The following NETO2 variants were observed in gnomAD, a reference collection of about 807,000 sequenced individuals.
NETO2 encodes neuropilin and tolloid like 2, also known as neuropilin and tolloid-like protein 2.
Under a neutral mutation model 62.5 loss-of-function variants are expected in NETO2, and 28 were observed. The ratio of observed to expected loss-of-function variants is 0.45; its 90% confidence interval spans 0.33 to 0.61. NETO2 has a LOEUF of 0.61. Ranked by LOEUF, NETO2 falls within the 20% of genes least tolerant of loss-of-function variation. The pLI is 0.02. For missense variants in NETO2, 548 were observed against 643.2 expected (o/e 0.85, Z 1.60); for synonymous variants, 214 against 219.1 (o/e 0.98, Z 0.21).
intron 6 of NETO2, 97 bp from the exon 7 acceptor site, chr16:47,109,808 C>T: frequency 1.3e-6 from 1 of 787,808 alleles, no homozygotes; most frequent in Non-Finnish European, 2.0e-6. Context: ...CACCGAATGA[C>T]AGCTGACAGA....
At chr16:47,120,480 C>T (rs1377069145) in intron 6 of NETO2, among the ~76,000 whole-genome samples, 4 of 152,106 alleles carry the variant, frequency 2.6e-5, no homozygotes, top group Non-Finnish European at 5.9e-5. Context: ...ATGGGGGATC[C>T]ATCATCTCAA....
intron 7 of NETO2, among the ~76,000 whole-genome samples, chr16:47,104,709 A>G (rs1019183126): frequency 1.3e-5 from 2 of 152,202 alleles, no homozygotes; most frequent in Non-Finnish European, 2.9e-5. Flanking sequence ...GAGGCCAGAA[A>G]TAAATCTTCA....
At position 47,093,491 on chromosome 16, in the gene NETO2, T is replaced by C. The variant is rs538939067; in HGVS notation, c.884-7152A>G. Among the ~76,000 whole-genome samples the C allele has an allele frequency of 8.3e-4, 127 of 152,322 alleles. 2 individuals are homozygous for C. The Middle Eastern group carries it at 0.01, about 12-fold the overall frequency. On this transcript the variant is annotated intron_variant, in intron 7 of 8. Transcript: ENST00000562435. ...ACTGTCACTATTTGCCTAGGTCACC[T>C]TACCTAACTGACTGGAAAACCCTTT... is the stretch of plus-strand genomic sequence containing the variant.
At chr16:47,085,460 C>A (rs1341933755) in intron 8 of NETO2, among the ~76,000 whole-genome samples, 1 of 152,010 alleles carries the variant, frequency 6.6e-6, no homozygotes, top group African/African-American at 2.4e-5. Flanking sequence ...CGGCTCACTG[C>A]AACCTCTGCC....
chr16:47,099,618 T>G (rs1963500286), intron 7 of NETO2, among the ~76,000 whole-genome samples: 1 of 151,990 alleles, frequency 6.6e-6, no homozygotes, highest in Non-Finnish European at 1.5e-5. Context: ...GGAGGAATAT[T>G]TACCAAGCAA....
At chr16:47,097,817 C>T (rs1963459947) in intron 7 of NETO2, among the ~76,000 whole-genome samples, 1 of 152,090 alleles carries the variant, frequency 6.6e-6, no homozygotes, top group Non-Finnish European at 1.5e-5. Flanking sequence ...ACGAAGCTTC[C>T]AGAGAAAGGA....
intron 6 of NETO2, among the ~76,000 whole-genome samples, chr16:47,115,714 CATAT>C (rs918750034): frequency 0.014 from 1,830 of 128,414 alleles, 82 homozygotes; most frequent in African/African-American, 0.058. Context: ...TATATATATA[CATAT>C]ATATATATAT....
At chr16:47,111,683 A>G (rs1963804509) in intron 6 of NETO2, among the ~76,000 whole-genome samples, 1 of 152,066 alleles carries the variant, frequency 6.6e-6, no homozygotes, top group Admixed American at 6.5e-5. Flanking sequence ...CCCTCCCCTC[A>G]TAGGAAGTGG....
At chr16:47,134,516 A>G (rs1461434307) in intron 1 of NETO2, among the ~76,000 whole-genome samples, 1 of 152,204 alleles carries the variant, frequency 6.6e-6, no homozygotes, top group East Asian at 1.9e-4. Flanking sequence ...CAAATAACCC[A>G]ACCATTTGTG....
intron 6 of NETO2, among the ~76,000 whole-genome samples, chr16:47,115,862 T>A (rs971801889): frequency 6.6e-6 from 1 of 151,178 alleles, no homozygotes; most frequent in Non-Finnish European, 1.5e-5. Context: ...GGAGCCACAG[T>A]GCCTGACCTG....
chr16:47,110,516 G>A (rs1963772363), intron 6 of NETO2, among the ~76,000 whole-genome samples: 1 of 152,064 alleles, frequency 6.6e-6, no homozygotes, highest in Non-Finnish European at 1.5e-5. Context: ...TCTGTTATTC[G>A]GTGGCAAGGA....
chr16:47,133,470 A>G (rs1964307584), intron 1 of NETO2, among the ~76,000 whole-genome samples: 1 of 151,878 alleles, frequency 6.6e-6, no homozygotes, highest in Non-Finnish European at 1.5e-5. Context: ...AGGCAGGAGG[A>G]TCACTAGTGC....
intron 7 of NETO2, among the ~76,000 whole-genome samples, chr16:47,101,952 C>A (rs1963556334): frequency 6.6e-6 from 1 of 152,106 alleles, no homozygotes; most frequent in Admixed American, 6.5e-5. Context: ...TCGTAGGAAC[C>A]AAAAAGGAGC....
chr16:47,078,593 TAA>T lies in NETO2; in HGVS notation c.*4626_*4627del, dbSNP rs1378535818. Reference sequence around the variant, plus strand: ...ATTATTAGCAGAGGTATATAAAACATAAGTGATTTTGCAGAAAACTAAAATAT... The same window carrying T: ...ATTATTAGCAGAGGTATATAAAACATGTGATTTTGCAGAAAACTAAAATAT... On this transcript the variant is annotated 3_prime_UTR_variant, in exon 9 of 9. Coordinates refer to ENST00000562435, the MANE Select transcript of NETO2 (RefSeq NM_018092.5). The T allele has an allele frequency of 6.6e-6, 1 of 152,194 alleles. No individual in the cohort carries two copies. The highest frequency in any genetic ancestry group is 1.5e-5 in the Non-Finnish European group (1 of 68,026). The allele number at this position is 152,194 out of a possible 1,614,324, so 9.4% of individuals were successfully genotyped here.
intron 4 of NETO2, among the ~76,000 whole-genome samples, chr16:47,125,859 C>T (rs1454026442): frequency 1.3e-5 from 2 of 152,156 alleles, no homozygotes; most frequent in Admixed American, 6.6e-5. Context: ...CTGGCTCCAC[C>T]ATTTTTAAGT....
chr16:47,103,273 G>A (rs1238262045), intron 7 of NETO2, among the ~76,000 whole-genome samples: 1 of 152,096 alleles, frequency 6.6e-6, no homozygotes, highest in South Asian at 2.1e-4. Flanking sequence ...GGGAAGGAAC[G>A]TCACACACCG....
intron 2 of NETO2, among the ~76,000 whole-genome samples, chr16:47,130,257 C>T (rs1422915264): frequency 2.6e-5 from 4 of 152,018 alleles, no homozygotes; most frequent in African/African-American, 7.2e-5. Flanking sequence ...CTCTGGGAGT[C>T]GAAACAGCCC....
chr16:47,108,814 T>C (rs894858760), intron 7 of NETO2, among the ~76,000 whole-genome samples: 1 of 152,212 alleles, frequency 6.6e-6, no homozygotes, highest in Admixed American at 6.5e-5. Flanking sequence ...CTTTGAGAGA[T>C]GTTGGCATTA....
At chr16:47,118,557 A>C (rs1963969473) in intron 6 of NETO2, among the ~76,000 whole-genome samples, 1 of 152,224 alleles carries the variant, frequency 6.6e-6, no homozygotes, top group Non-Finnish European at 1.5e-5. Context: ...CATACTCTCC[A>C]AACATCACCA....
Sources: gnomAD v4.1 joint callset for allele counts (sites outside exome capture counted in the v4.1 genomes callset) on GRCh38, gnomAD v4.1.1 for gene constraint, MANE v1.5 for transcripts, NCBI Gene and HGNC (gene_info 2026-07-23, HGNC 2026-07-21) for gene names.